PIK3C2G: variants seen among roughly 807,000 people sequenced by gnomAD.
PIK3C2G encodes the protein phosphatidylinositol-4-phosphate 3-kinase catalytic subunit type 2 gamma.
A neutral mutation model predicts 181.1 loss-of-function variants in PIK3C2G; 168 were observed. The observed-to-expected ratio is 0.93, with a 90% CI of 0.82 to 1.05. The LOEUF (loss-of-function observed/expected upper bound fraction) is 1.05. Among genes scored for constraint, PIK3C2G ranks in the 50% least tolerant of loss-of-function variants. PIK3C2G has a pLI of 0.00. For synonymous variants in PIK3C2G, 573 were observed against 592.2 expected, an observed-to-expected ratio of 0.97 and a Z score of 0.47; for missense variants, 1,869 against 1,732.8, an observed-to-expected ratio of 1.08 and a Z score of -1.40.
rs189866877 is a variant in PIK3C2G, at chr12:18,566,150, G to T, written c.3903-799G>T. 1.4e-4 allele frequency among the ~76,000 whole-genome samples: 22 copies of T among 152,276 alleles called. No individual in the cohort carries two copies. In the East Asian group the frequency reaches 4.2e-3, roughly 29 times the overall value. On this transcript the variant is annotated intron_variant, in intron 28 of 32. Transcript: ENST00000538779. ...CCTGACATTTCCAACAGTAATCAGTGGGGTGGCATGAAATTATCACATACA... is the reference window on the plus strand; with the variant it reads ...CCTGACATTTCCAACAGTAATCAGTTGGGTGGCATGAAATTATCACATACA...
At chr12:18,275,574 G>C (rs1394581321) in intron 1 of PIK3C2G, among the ~76,000 whole-genome samples, 1 of 152,020 alleles carries the variant, frequency 6.6e-6, no homozygotes, top group African/African-American at 2.4e-5. Context: ...GTAGAGACAG[G>C]GTTTCACCAT....
At chr12:18,698,892 T>C in the PIK3C2G span, among the ~76,000 whole-genome samples, 1 of 152,182 alleles carries the variant, frequency 6.6e-6, no homozygotes, top group Non-Finnish European at 1.5e-5. Flanking sequence ...TATAGTTTTG[T>C]ATCCATTATT....
Position 18,562,857 on chromosome 12 carries a change from GCAA to G in PIK3C2G, c.3749_3751del (p.Thr1250del). 6.2e-7 allele frequency: 1 copy of G among 1,605,062 alleles called. No individual in the cohort carries two copies. The highest frequency in any genetic ancestry group is 8.5e-7 in the Non-Finnish European group (1 of 1,175,072). On this transcript the variant is annotated inframe_deletion, in exon 27 of 33. Transcript: ENST00000538779. ...GAGTACAACTAGGTCGATTGAAAGAGCAACAATTTTAGGGTTCAGCAAGAAATC... is the reference window on the plus strand; with the variant it reads ...GAGTACAACTAGGTCGATTGAAAGAGCAATTTTAGGGTTCAGCAAGAAATC...
chr12:18,315,171 G>A (rs556554212), intron 6 of PIK3C2G, among the ~76,000 whole-genome samples: 7 of 152,024 alleles, frequency 4.6e-5, no homozygotes, highest in Non-Finnish European at 8.8e-5. Flanking sequence ...TTCATCATAA[G>A]AAAATTTCAG....
rs577873073 is a variant in PIK3C2G at position 18,506,568 on chromosome 12, G to A, written c.3323+1107G>A. Among the ~76,000 whole-genome samples, 3 of 152,140 alleles carry A rather than the reference G, an allele frequency of 2.0e-5. No individual in the cohort carries two copies. The South Asian group carries it at 6.2e-4, about 32-fold the overall frequency. ...GCTGTGATTAATGAACTGGAGGAGG[G>A]GCACAGAAGGTCAGAGAAGAAAACA... On this transcript the variant is annotated intron_variant, in intron 24 of 32. Coordinates refer to ENST00000538779, the MANE Select transcript of PIK3C2G (RefSeq NM_001288772.2).
intron 22 of PIK3C2G, among the ~76,000 whole-genome samples, chr12:18,499,318 T>C (rs1227544287): frequency 6.6e-6 from 1 of 152,184 alleles, no homozygotes; most frequent in Non-Finnish European, 1.5e-5. Context: ...GAAGATTAGG[T>C]TGCATTTTTA....
At chr12:18,303,138 C>CTTTCTTTCTTTCTTTA (rs1422309361) in intron 5 of PIK3C2G, among the ~76,000 whole-genome samples, 1 of 131,136 alleles carries the variant, frequency 7.6e-6, no homozygotes, top group African/African-American at 2.9e-5. Flanking sequence ...TTCTTTCTTT[C>CTTTCTTTCTTTCTTTA]TTTTCTTTTC....
chr12:18,258,426 A>C (rs1254723113), upstream of PIK3C2G, among the ~76,000 whole-genome samples: 2 of 152,042 alleles, frequency 1.3e-5, no homozygotes, highest in African/African-American at 2.4e-5. Flanking sequence ...TCCTTTGACC[A>C]ACATCTCCCC....
At chr12:18,500,359 G>A (rs766812009) in intron 22 of PIK3C2G, among the ~76,000 whole-genome samples, 4 of 152,160 alleles carry the variant, frequency 2.6e-5, no homozygotes, top group African/African-American at 9.6e-5. Context: ...TGGATTTCTC[G>A]CCGGGCCTTA....
chr12:18,347,739 A>G (rs1177202855), intron 11 of PIK3C2G, among the ~76,000 whole-genome samples: 1 of 152,030 alleles, frequency 6.6e-6, no homozygotes, highest in African/African-American at 2.4e-5. Flanking sequence ...TGAAACCAGG[A>G]AGCAGAGGTT....
the PIK3C2G span, among the ~76,000 whole-genome samples, chr12:18,671,019 A>C: frequency 6.6e-6 from 1 of 151,908 alleles, no homozygotes; most frequent in African/African-American, 2.4e-5. Flanking sequence ...CTCCACTAAA[A>C]TACAAAAATT....
intron 11 of PIK3C2G, among the ~76,000 whole-genome samples, chr12:18,356,750 TC>T (rs763033369): frequency 5.3e-5 from 8 of 151,986 alleles, no homozygotes; most frequent in Non-Finnish European, 8.8e-5. Context: ...TTCTGAAAGA[TC>T]CTGCTGTCAA....
At chr12:18,596,429 G>A (rs1410082512) in intron 30 of PIK3C2G, among the ~76,000 whole-genome samples, 1 of 151,942 alleles carries the variant, frequency 6.6e-6, no homozygotes, top group Non-Finnish European at 1.5e-5. Flanking sequence ...CTAATGACAT[G>A]ATCCTATATA....
chr12:18,289,699 G>A (rs1243869163), intron 3 of PIK3C2G, among the ~76,000 whole-genome samples: 2 of 152,294 alleles, frequency 1.3e-5, no homozygotes, highest in African/African-American at 4.8e-5. Flanking sequence ...AGTGGATACA[G>A]ATGCATGCCA....
rs536369294 is a variant in PIK3C2G at position 18,496,194 on chromosome 12, C to G, written c.2886+40C>G. On this transcript the variant is annotated intron_variant, in intron 21 of 32. Transcript: ENST00000538779. Reference sequence around the variant, plus strand: ...TTAAAACATGAATTGATTCCATACACAGAACTATCGATTTATTACTCACAA... The same window carrying G: ...TTAAAACATGAATTGATTCCATACAGAGAACTATCGATTTATTACTCACAA... The G allele has an allele frequency of 2.7e-6, 3 of 1,129,792 alleles. No individual in the cohort carries two copies. The South Asian group carries it at 4.4e-5, about 16-fold the overall frequency. The allele number at this position is 1,129,792 out of a possible 1,614,324, so 70.0% of individuals were successfully genotyped here.
chr12:18,691,531 G>A, the PIK3C2G span, among the ~76,000 whole-genome samples: 1 of 152,126 alleles, frequency 6.6e-6, no homozygotes, highest in African/African-American at 2.4e-5. Flanking sequence ...GGCAGAGAAA[G>A]AGGAAGCCAC....
chr12:18,663,125 A>G, the PIK3C2G span, among the ~76,000 whole-genome samples: 1 of 152,100 alleles, frequency 6.6e-6, no homozygotes, highest in Non-Finnish European at 1.5e-5. Flanking sequence ...ATTATACTCA[A>G]TGTTGAAAGA....
At chr12:18,647,401 G>A (rs768050593) in intron 32 of PIK3C2G, among the ~76,000 whole-genome samples, 2 of 150,510 alleles carry the variant, frequency 1.3e-5, no homozygotes, top group Non-Finnish European at 2.9e-5. Context: ...ACAGCATCAT[G>A]CAATATACCT....
At chr12:18,363,003 T>A in intron 12 of PIK3C2G, 117 bp downstream of exon 12, 1 of 737,042 alleles carries the variant, frequency 1.4e-6, no homozygotes, top group Non-Finnish European at 2.1e-6. Flanking sequence ...TTGATTTGAT[T>A]CAGTGGTATG....
Sources: gnomAD v4.1 joint callset for allele counts (sites outside exome capture counted in the v4.1 genomes callset) on GRCh38, gnomAD v4.1.1 for gene constraint, MANE v1.5 for transcripts, NCBI Gene and HGNC (gene_info 2026-07-23, HGNC 2026-07-21) for gene names.